Variants in PTPRD observed in about 807,000 individuals in gnomAD.
The protein encoded by PTPRD is protein tyrosine phosphatase receptor type D, also known as receptor-type tyrosine-protein phosphatase delta.
Under a neutral mutation model 214.5 loss-of-function variants are expected in PTPRD, and 34 were observed. The ratio of observed to expected loss-of-function variants is 0.16; its 90% CI spans 0.12 to 0.21. The LOEUF (loss-of-function observed/expected upper bound fraction) is 0.21. Ranked by LOEUF, PTPRD falls within the 10% of genes least tolerant of loss-of-function variation. PTPRD has a pLI of 1.00. For synonymous variants in PTPRD, 1,128 were observed against 845.7 expected (o/e 1.33, Z -5.79); for missense variants, 2,545 against 2,398.7 (o/e 1.06, Z -1.27).
intron 3 of PTPRD, among the ~76,000 whole-genome samples, chr9:10,318,756 TG>T (rs2096493944): frequency 6.6e-6 from 1 of 151,882 alleles, no homozygotes; most frequent in South Asian, 2.1e-4. Flanking sequence ...GGGCTAGGGG[TG>T]GTTGCCACCA....
At chr9:9,736,678 T>C (rs1049560559) in intron 6 of PTPRD, among the ~76,000 whole-genome samples, 20 of 152,128 alleles carry the variant, frequency 1.3e-4, no homozygotes, top group Admixed American at 2.0e-4. Flanking sequence ...TCATTTACAT[T>C]ATCTTCATAA....
chr9:9,198,499 C>T (rs1410514218), intron 9 of PTPRD, among the ~76,000 whole-genome samples: 3 of 151,956 alleles, frequency 2.0e-5, no homozygotes, highest in East Asian at 1.9e-4. Context: ...GGAAGCGTAC[C>T]ATGTATTTTA....
chr9:9,009,528 G>A (rs1465862248), intron 11 of PTPRD, among the ~76,000 whole-genome samples: 1 of 151,908 alleles, frequency 6.6e-6, no homozygotes, highest in African/African-American at 2.4e-5. Context: ...TTTAAAACTG[G>A]AAAGGAGGAA....
chr9:10,284,230 A>T (rs1238652157), intron 3 of PTPRD, among the ~76,000 whole-genome samples: 1 of 152,212 alleles, frequency 6.6e-6, no homozygotes, highest in Non-Finnish European at 1.5e-5. Context: ...AAATAAAAAC[A>T]TTAAAAAATT....
chr9:9,244,421 A>T (rs1245365025), intron 9 of PTPRD, among the ~76,000 whole-genome samples: 2 of 152,172 alleles, frequency 1.3e-5, no homozygotes, highest in Non-Finnish European at 2.9e-5. Context: ...ACACCATGGT[A>T]CTGGTACCAA....
chr9:8,531,630 G>C (rs549887215), intron 14 of PTPRD, among the ~76,000 whole-genome samples: 22 of 152,150 alleles, frequency 1.4e-4, no homozygotes, highest in Non-Finnish European at 2.8e-4. Context: ...TTCCTGAGTG[G>C]TTTCTGTATG....
rs146807692 is a variant in PTPRD, at chr9:8,500,558, G to GAAAA, written c.2128+192_2128+195dup. ...TTACTGCATTGAGATTGAAAAAAAT[G>GAAAA]AAAAAAAAAAAAAAAAAAAAAAAAA... On this transcript the variant is annotated intron_variant, in intron 24 of 45. Coordinates refer to ENST00000381196, the MANE Select transcript of PTPRD (RefSeq NM_002839.4). Among the ~76,000 whole-genome samples, 138 of 14,320 alleles carry GAAAA rather than the reference G, an allele frequency of 9.6e-3. 46 individuals carry two copies. The highest frequency in any genetic ancestry group is 0.025 in the South Asian group (6 of 242). 9.4% of individuals were successfully genotyped at this position (14,320 alleles called of 152,430 possible). A position where few individuals can be genotyped will look rare whatever the true frequency, so the allele number is the denominator to read the frequency against.
chr9:8,627,897 G>A (rs1481931927), intron 14 of PTPRD, among the ~76,000 whole-genome samples: 1 of 151,862 alleles, frequency 6.6e-6, no homozygotes, highest in Non-Finnish European at 1.5e-5. Context: ...AAGTGGCTCT[G>A]CCCACTACCA....
At chr9:8,575,843 T>C (rs1329698468) in intron 14 of PTPRD, among the ~76,000 whole-genome samples, 1 of 152,208 alleles carries the variant, frequency 6.6e-6, no homozygotes, top group Non-Finnish European at 1.5e-5. Flanking sequence ...GTACCTACCA[T>C]GTGCTAAACA....
chr9:9,348,946 A>T lies in PTPRD; in HGVS notation c.-203+48503T>A, dbSNP rs555683760. Among the ~76,000 whole-genome samples, 4 of 152,122 alleles carry T rather than the reference A, an allele frequency of 2.6e-5. No homozygotes were observed. In the South Asian group the frequency reaches 8.3e-4, roughly 32 times the overall value. On this transcript the variant is annotated intron_variant, in intron 9 of 45. Transcript: ENST00000381196. The stretch of plus-strand genomic sequence containing the variant: ...TATTTTAATTAATTCAGGAGACTAA[A>T]CCTATTTTAATAGGAAGTAGTGTCT...
intron 12 of PTPRD, among the ~76,000 whole-genome samples, chr9:8,698,734 T>A (rs1431624366): frequency 6.6e-6 from 1 of 152,204 alleles, no homozygotes; most frequent in African/African-American, 2.4e-5. Context: ...TACTCCGGCA[T>A]AATACAGAAA....
At chr9:9,499,058 A>G (rs1036408963) in intron 8 of PTPRD, among the ~76,000 whole-genome samples, 2 of 152,076 alleles carry the variant, frequency 1.3e-5, no homozygotes, top group South Asian at 2.1e-4. Context: ...GCCATTATTT[A>G]AGAATTTGGA....
intron 9 of PTPRD, among the ~76,000 whole-genome samples, chr9:9,272,997 T>C (rs1943551631): frequency 6.6e-6 from 1 of 151,426 alleles, no homozygotes; most frequent in Middle Eastern, 3.4e-3. Context: ...AAGCTGTCTT[T>C]GTGATTTCTA....
chr9:9,297,085 T>A (rs934539794), intron 9 of PTPRD, among the ~76,000 whole-genome samples: 1 of 151,734 alleles, frequency 6.6e-6, no homozygotes, highest in Non-Finnish European at 1.5e-5. Context: ...CATAGCTACT[T>A]CTGGCTTCAG....
At chr9:10,306,746 C>T (rs1331530671) in intron 3 of PTPRD, among the ~76,000 whole-genome samples, 1 of 152,102 alleles carries the variant, frequency 6.6e-6, no homozygotes, top group South Asian at 2.1e-4. Flanking sequence ...GTATCAACAG[C>T]TCCTCATTGA....
At chr9:9,483,970 G>A (rs1042958259) in intron 8 of PTPRD, among the ~76,000 whole-genome samples, 5 of 151,200 alleles carry the variant, frequency 3.3e-5, no homozygotes, top group African/African-American at 9.7e-5. Flanking sequence ...GGTTTTCTGT[G>A]CTAAAAAAAA....
At chr9:9,369,108 T>C (rs965116335) in intron 9 of PTPRD, among the ~76,000 whole-genome samples, 2 of 152,252 alleles carry the variant, frequency 1.3e-5, no homozygotes, top group Admixed American at 1.3e-4. Flanking sequence ...TTTTTATGGC[T>C]GCATAGTATT....
intron 10 of PTPRD, among the ~76,000 whole-genome samples, chr9:9,092,868 A>G (rs2099778245): frequency 6.6e-6 from 1 of 152,108 alleles, no homozygotes. Flanking sequence ...TTCTAAACAC[A>G]CAAATTAAAA....
chr9:8,647,998 T>C (rs1332709543), intron 12 of PTPRD, among the ~76,000 whole-genome samples: 5 of 152,218 alleles, frequency 3.3e-5, no homozygotes, highest in African/African-American at 1.2e-4. Flanking sequence ...TCAACATCTC[T>C]GATCTCACCT....
Sources: allele counts gnomAD v4.1 joint callset (sites outside exome capture counted in the v4.1 genomes callset), GRCh38; gene constraint gnomAD v4.1.1; transcripts MANE v1.5; gene names NCBI Gene and HGNC (gene_info 2026-07-23, HGNC 2026-07-21).